The following TTN variants were observed in gnomAD, a reference collection of about 807,000 sequenced individuals.
TTN encodes titin, also known as connectin.
In TTN, 1,525 loss-of-function variants were observed where a neutral mutation model predicts 3,223.0. The observed-to-expected ratio is 0.47, with a 90% CI of 0.45 to 0.49. The LOEUF is 0.49. TTN is among the 20% of genes least tolerant of loss of function. TTN has a pLI of 0.00. For synonymous variants in TTN, 14,094 were observed against 15,161.0 expected (o/e 0.93, Z 5.17); for missense variants, 40,786 against 43,424.0 (o/e 0.94, Z 5.40).
At chr2:178,687,224 GGT>G (rs1271979741) in intron 127 of TTN, among the ~76,000 whole-genome samples, 2 of 152,180 alleles carry the variant, frequency 1.3e-5, no homozygotes, top group Non-Finnish European at 2.9e-5. Context: ...GAGTTAGTTT[GGT>G]TAAGGAGCTT....
chr2:178,647,040 G>GTATATATATATATATATATA (rs10580462), intron 215 of TTN, 24 bp downstream of exon 215: 6 of 731,456 alleles, frequency 8.2e-6, no homozygotes, highest in Non-Finnish European at 1.1e-5. Flanking sequence ...TTAAAAAAAT[G>GTATATATATATATATATATA]TATATATATA....
intron 235 of TTN, 51 bp downstream of exon 235, chr2:178,632,475 T>G (rs1335324773): frequency 6.3e-7 from 1 of 1,589,222 alleles, no homozygotes; most frequent in African/African-American, 1.4e-5. Context: ...AATATAAAAC[T>G]AAAGGCAAAA....
chr2:178,673,137 C>A (rs2067308003), intron 152 of TTN, among the ~76,000 whole-genome samples: 1 of 151,710 alleles, frequency 6.6e-6, no homozygotes, highest in Non-Finnish European at 1.5e-5. Context: ...CTGTCTGAAG[C>A]ATTAAGTGAA....
Position 178,741,334 on chromosome 2 carries a change from G to C in TTN, c.11899C>G (p.Pro3967Ala). Reference protein sequence around the residue: ...FEYTVVGEPAPTVTWFKENKQ... With the variant: ...FEYTVVGEPAATVTWFKENKQ... The stretch of plus-strand genomic sequence containing the variant: ...TTTTCTTTGAACCATGTAACAGTAG[G>C]GGCAGGCTCTCCAACCACTGTGTAC... The change falls in exon 48 of 363, where the codon CCT becomes GCT. Residue 3967 changes from proline (P) to alanine (A), a missense_variant. Pro to Ala is a conservative substitution (Grantham distance 27). Coordinates refer to ENST00000589042, the MANE Select transcript of TTN (RefSeq NM_001267550.2). 6.2e-7 allele frequency: 1 copy of C among 1,613,846 alleles called. No homozygotes were observed. Among genetic ancestry groups the C allele is most frequent in the South Asian group, 1.1e-5 (1 of 91,078 alleles).
chr2:178,690,144 A>T (rs1458174023), intron 121 of TTN, among the ~76,000 whole-genome samples: 1 of 152,232 alleles, frequency 6.6e-6, no homozygotes, highest in Non-Finnish European at 1.5e-5. Context: ...CACAGAATTC[A>T]TCCTTTATAT....
chr2:178,672,796 T>A, intron 152 of TTN, 93 bp from the exon 153 acceptor site: 1 of 1,100,714 alleles, frequency 9.1e-7, no homozygotes, highest in Non-Finnish European at 1.3e-6. Flanking sequence ...TTACAATAAT[T>A]AAAGTTTTTC....
In TTN at chr2:178,799,474, A is replaced by G. The variant is rs763626025; in HGVS notation, c.914+13T>C. On this transcript the variant is annotated intron_variant, in intron 6 of 362. Transcript: ENST00000589042. Reference sequence around the variant, plus strand: ...AAATGTGCAATAATCTGCTCTCTCTATGGCAGCTTTACCTGACCGGAGATG... The same window carrying G: ...AAATGTGCAATAATCTGCTCTCTCTGTGGCAGCTTTACCTGACCGGAGATG... The G allele has an allele frequency of 6.2e-7, 1 of 1,614,050 alleles. No individual in the cohort carries two copies. The highest frequency in any genetic ancestry group is 1.7e-5 in the Admixed American group (1 of 60,022).
In TTN at chr2:178,715,048, T is replaced by C. The variant is rs1294600680; in HGVS notation, c.26138A>G (p.Tyr8713Cys). Reference sequence around the variant, plus strand: ...CACATCATTTGTGGCTTTACACTGATATTCCCCAATGTCTGCAGCATCGAC... The same window carrying C: ...CACATCATTTGTGGCTTTACACTGACATTCCCCAATGTCTGCAGCATCGAC... ...LNVDAADIGE[Y>C]QCKATNDVGS... Residue 8713 changes from tyrosine (Y) to cysteine (C), a missense_variant, in exon 90 of 363, where the codon TAT becomes TGT. Transcript: ENST00000589042. 1 of 1,613,616 alleles carries C rather than the reference T, an allele frequency of 6.2e-7. No homozygotes were observed. The highest frequency in any genetic ancestry group is 8.5e-7 in the Non-Finnish European group (1 of 1,179,662).
chr2:178,574,243 C>A lies in TTN; in HGVS notation c.71889G>T (p.Lys23963Asn), dbSNP rs1475718239. 1 of 1,613,052 alleles carries A rather than the reference C, an allele frequency of 6.2e-7. No homozygotes were observed. The highest frequency in any genetic ancestry group is 1.3e-5 in the African/African-American group (1 of 74,908). ...GCCACCGTCCATTAGGAAGGTCTCT[C>A]TTTTCAACGATATAACTGGTAATTT... ...GFKITSYIVE[K>N]RDLPNGRWLK... Residue 23963 changes from lysine (K) to asparagine (N), a missense_variant, in exon 326 of 363, where the codon AAG becomes AAT. By Grantham distance (94) the Lys-to-Asn change is moderately conservative. Transcript: ENST00000589042.
At chr2:178,804,427 A>T (rs2154360907) in intron 2 of TTN, 125 bp downstream of exon 2, 2 of 842,260 alleles carry the variant, frequency 2.4e-6, no homozygotes, top group Middle Eastern at 2.4e-4. Flanking sequence ...ACCTTTCCAT[A>T]GTGTTGGACT....
chr2:178,678,379 T>C (rs1045792399), intron 144 of TTN, 35 bp downstream of exon 144: 22 of 1,553,848 alleles, frequency 1.4e-5, no homozygotes, highest in Non-Finnish European at 1.9e-5. Flanking sequence ...TGTGAGTTTT[T>C]TCCCCCAAGT....
rs1192596225 is a variant in TTN, at chr2:178,563,624, C to G, written c.82508G>C (p.Gly27503Ala). ...PVDDGGTEIE[G>A]YILEKRDKEG... ...CTTATCTCGTTTTTCAAGAATGTAG[C>G]CCTCAATTTCGGTACCTCCGTCGTC... The change falls in exon 326 of 363, where the codon GGC becomes GCC. Residue 27503 changes from glycine (G) to alanine (A), a missense_variant. Coordinates refer to ENST00000589042, the MANE Select transcript of TTN (RefSeq NM_001267550.2). This position sits in a 1 kb window ranked among gnomAD's most constrained non-coding sequence, Gnocchi z 4.5. The G allele has an allele frequency of 1.1e-5, 18 of 1,613,732 alleles. No homozygotes were observed. The highest frequency in any genetic ancestry group is 1.5e-5 in the Non-Finnish European group (18 of 1,179,774).
intron 12 of TTN, 69 bp from the exon 13 acceptor site, chr2:178,789,566 C>T (rs2093378940): frequency 1.3e-6 from 2 of 1,597,566 alleles, no homozygotes; most frequent in Non-Finnish European, 1.7e-6. Context: ...TGACCCTTCC[C>T]CCTTCCTCAT....
chr2:178,640,116 A>G lies in TTN; in HGVS notation c.40724-6T>C. On this transcript the variant is annotated splice_region_variant and splice_polypyrimidine_tract_variant and intron_variant, in intron 221 of 362. Coordinates refer to ENST00000589042, the MANE Select transcript of TTN (RefSeq NM_001267550.2). ...TGCTGGCTTGATTTCAGGCACTGAA[A>G]TAATTTAGAGTAGAGGGCAGATTAT... 1 of 1,611,634 alleles carries G rather than the reference A, an allele frequency of 6.2e-7. No homozygotes were observed. The highest frequency in any genetic ancestry group is 2.2e-5 in the East Asian group (1 of 44,776).
intron 47 of TTN, chr2:178,750,517 A>G (rs540071981): frequency 1.2e-6 from 2 of 1,612,742 alleles, no homozygotes; most frequent in South Asian, 1.1e-5. Flanking sequence ...ACACAAAATT[A>G]CAACTGTCAC....
chr2:178,537,908 G>T lies in TTN; in HGVS notation c.99299C>A (p.Ala33100Asp). ...SIKTKLTSGE[A>D]PGIRKEMKDV... is the part of the protein sequence containing the mutation. ...CTTCATTTCTTTGCGTATTCCTGGG[G>T]CCTCTCCAGCTGAACAATATGAAAG... Residue 33100 changes from alanine to aspartate, a missense_variant, in exon 355 of 363, where the codon GCC becomes GAC. Ala to Asp is a moderately radical substitution (Grantham distance 126). Coordinates refer to ENST00000589042, the MANE Select transcript of TTN (RefSeq NM_001267550.2). 2 of 1,607,436 alleles carry T rather than the reference G, an allele frequency of 1.2e-6. No individual in the cohort carries two copies. The highest frequency in any genetic ancestry group is 1.1e-5 in the South Asian group (1 of 90,430).
intron 43 of TTN, among the ~76,000 whole-genome samples, chr2:178,760,260 G>A (rs1048827761): frequency 6.6e-6 from 1 of 152,134 alleles, no homozygotes; most frequent in South Asian, 2.1e-4. Flanking sequence ...GGCCAGGCGC[G>A]GTGCTTCACA....
chr2:178,583,655 T>C lies in TTN; in HGVS notation c.65527A>G (p.Ser21843Gly). The change falls in exon 312 of 363, where the codon AGC becomes GGC. Residue 21843 changes from serine (S) to glycine (G), a missense_variant. Transcript: ENST00000589042. ...GGATCAGAAGGTTCAGAAGGTGGGCTAATGTTTACCGCGGTCCTGGCAATA... is the reference window on the plus strand; with the variant it reads ...GGATCAGAAGGTTCAGAAGGTGGGCCAATGTTTACCGCGGTCCTGGCAATA... ...RAIARTAVNI[S>G]PPSEPSDPVT... 3.1e-6 allele frequency: 5 copies of C among 1,612,126 alleles called. No individual in the cohort carries two copies. Among genetic ancestry groups the C allele is most frequent in the Non-Finnish European group, 4.2e-6 (5 of 1,179,024 alleles).
chr2:178,628,422 T>C (rs577239750), intron 240 of TTN, among the ~76,000 whole-genome samples: 49 of 152,212 alleles, frequency 3.2e-4, no homozygotes, highest in Admixed American at 1.2e-3. Flanking sequence ...CTGTGCTTTA[T>C]TTCCAACCCA....
Sources: gnomAD v4.1 joint callset for allele counts (sites outside exome capture counted in the v4.1 genomes callset) on GRCh38, gnomAD v4.1.1 for gene constraint, Gnocchi (gnomAD v3.1) non-coding constraint, MANE v1.5 for transcripts, NCBI Gene and HGNC (gene_info 2026-07-23, HGNC 2026-07-21) for gene names.